The following C12orf42 variants were observed in gnomAD, a reference collection of about 807,000 sequenced individuals.
C12orf42 encodes the protein chromosome 12 open reading frame 42, also known as uncharacterized protein C12orf42.
A neutral mutation model predicts 21.6 loss-of-function variants in C12orf42; 25 were observed. The ratio of observed to expected loss-of-function variants is 1.16; its 90% CI spans 0.84 to 1.62. The LOEUF (loss-of-function observed/expected upper bound fraction) is 1.62. Ranked by LOEUF, C12orf42 falls within the 40% of genes most tolerant of loss-of-function variation. C12orf42 has a pLI of 0.00. For missense variants in C12orf42, 483 were observed against 459.3 expected (o/e 1.05, Z -0.47); for synonymous variants, 174 against 175.0 (o/e 0.99, Z 0.05).
At chr12:103,522,574 T>C in the C12orf42 span, among the ~76,000 whole-genome samples, 1 of 152,120 alleles carries the variant, frequency 6.6e-6, no homozygotes, top group Non-Finnish European at 1.5e-5. Context: ...TAACATTCCA[T>C]AGGGCACTCC....
the C12orf42 span, among the ~76,000 whole-genome samples, chr12:103,512,548 T>C: frequency 6.6e-6 from 1 of 152,248 alleles, no homozygotes. Context: ...TCACATTCTA[T>C]GCATGTAATA....
chr12:103,230,255 G>C, the C12orf42 span, among the ~76,000 whole-genome samples: 2 of 152,108 alleles, frequency 1.3e-5, no homozygotes, highest in South Asian at 4.1e-4. Flanking sequence ...CTGGTGGCTT[G>C]GCAGAGAAAA....
intron 4 of C12orf42, among the ~76,000 whole-genome samples, chr12:103,327,407 C>CA (rs980110599): frequency 2.6e-5 from 4 of 151,760 alleles, no homozygotes; most frequent in African/African-American, 4.8e-5. Flanking sequence ...CATACTGATA[C>CA]AAAAAAAATC....
At chr12:103,507,240 T>TAA in the C12orf42 span, among the ~76,000 whole-genome samples, 1 of 58,372 alleles carries the variant, frequency 1.7e-5, no homozygotes, top group African/African-American at 1.1e-4. Flanking sequence ...TATATATATA[T>TAA]TATATATAAT....
At chr12:103,358,548 A>T (rs1217773875) in intron 4 of C12orf42, among the ~76,000 whole-genome samples, 1 of 151,682 alleles carries the variant, frequency 6.6e-6, no homozygotes, top group Non-Finnish European at 1.5e-5. Context: ...ACTGGTCCTC[A>T]CCTAACAATT....
At chr12:103,349,861 A>G (rs567504330) in intron 4 of C12orf42, among the ~76,000 whole-genome samples, 1 of 152,310 alleles carries the variant, frequency 6.6e-6, no homozygotes, top group South Asian at 2.1e-4. Context: ...GAAAATGTCC[A>G]AATTCTAAAT....
chr12:103,159,181 A>G, the C12orf42 span, among the ~76,000 whole-genome samples: 1 of 152,162 alleles, frequency 6.6e-6, no homozygotes, highest in East Asian at 1.9e-4. Flanking sequence ...TAAAGTATAC[A>G]TAAAGGCTAC....
At chr12:103,328,790 T>C (rs943190505) in intron 4 of C12orf42, among the ~76,000 whole-genome samples, 4 of 151,888 alleles carry the variant, frequency 2.6e-5, no homozygotes, top group Non-Finnish European at 4.4e-5. Context: ...AGGAAGGGAG[T>C]CTGTCTGGGT....
At chr12:103,106,147 G>A in the C12orf42 span, among the ~76,000 whole-genome samples, 4 of 152,010 alleles carry the variant, frequency 2.6e-5, no homozygotes, top group Admixed American at 6.6e-5. Flanking sequence ...GAATAGTAGG[G>A]TGGCAAAAGA....
At chr12:103,369,348 A>C (rs556661648) in intron 3 of C12orf42, among the ~76,000 whole-genome samples, 32 of 107,426 alleles carry the variant, frequency 3.0e-4, no homozygotes, top group African/African-American at 1.7e-3. Flanking sequence ...GGAGAGTGAC[A>C]AAAAAAAACA....
chr12:103,395,923 GTATAA>G (rs1369666875), intron 3 of C12orf42, among the ~76,000 whole-genome samples: 2 of 147,354 alleles, frequency 1.4e-5, no homozygotes, highest in South Asian at 2.1e-4. Context: ...AATGCATTAT[GTATAA>G]TATATTATGT....
chr12:103,458,058 C>T (rs937060118), intron 2 of C12orf42, among the ~76,000 whole-genome samples: 1 of 152,108 alleles, frequency 6.6e-6, no homozygotes, highest in Admixed American at 6.6e-5. Flanking sequence ...AAACAAAGAA[C>T]AAAAGCTTAA....
downstream of C12orf42, among the ~76,000 whole-genome samples, chr12:103,236,293 G>A (rs567106260): frequency 8.4e-4 from 128 of 152,250 alleles, 2 homozygotes; most frequent in African/African-American, 3.0e-3. Flanking sequence ...GCCAGATTTT[G>A]CCAGATGAAT....
upstream of C12orf42, among the ~76,000 whole-genome samples, chr12:103,499,208 T>A (rs1247206007): frequency 1.3e-5 from 2 of 152,080 alleles, no homozygotes; most frequent in African/African-American, 4.8e-5. Flanking sequence ...GTGACTAAAA[T>A]TAATAGTGCT....
chr12:103,322,652 G>A lies in C12orf42; in HGVS notation c.260-16307C>T, dbSNP rs146107469. The stretch of plus-strand genomic sequence containing the variant: ...AGATAGATCTCGGTAATGTCTTATC[G>A]AAATAACTTTAATAAATTAGTTGCT... On this transcript the variant is annotated intron_variant, in intron 4 of 5. Transcript: ENST00000548883. 1.3e-3 allele frequency among the ~76,000 whole-genome samples: 199 copies of A among 152,188 alleles called. 1 individual carries two copies. Among genetic ancestry groups the A allele is most frequent in the Non-Finnish European group, 2.4e-3 (162 of 68,002 alleles).
At chr12:103,412,479 G>A (rs2048934501) in intron 2 of C12orf42, among the ~76,000 whole-genome samples, 1 of 152,136 alleles carries the variant, frequency 6.6e-6, no homozygotes, top group African/African-American at 2.4e-5. Context: ...GACTGGCCTG[G>A]CCAACATGGC....
chr12:103,345,944 A>C (rs2137340319), intron 4 of C12orf42, among the ~76,000 whole-genome samples: 1 of 152,300 alleles, frequency 6.6e-6, no homozygotes, highest in Non-Finnish European at 1.5e-5. Context: ...AGCAATGATA[A>C]GTGCACAGTT....
At chr12:103,324,605 T>C (rs762620176) in intron 4 of C12orf42, among the ~76,000 whole-genome samples, 9 of 152,214 alleles carry the variant, frequency 5.9e-5, no homozygotes, top group Non-Finnish European at 1.2e-4. Flanking sequence ...TCATATTTTA[T>C]GCGATTCCAT....
At chr12:103,513,852 T>TA in the C12orf42 span, among the ~76,000 whole-genome samples, 926 of 143,024 alleles carry the variant, frequency 6.5e-3, 9 homozygotes, top group African/African-American at 0.02. Flanking sequence ...TGAGGAAAAC[T>TA]AAAAAAAAAA....
Sources: allele counts gnomAD v4.1 joint callset (sites outside exome capture counted in the v4.1 genomes callset), GRCh38; gene constraint gnomAD v4.1.1; transcripts MANE v1.5; gene names NCBI Gene and HGNC (gene_info 2026-07-23, HGNC 2026-07-21).